MYH14: variants seen among roughly 807,000 people sequenced by gnomAD.
MYH14 encodes the protein myosin-14.
In MYH14, 123 loss-of-function variants were observed where a neutral mutation model predicts 255.5. The ratio of observed to expected loss-of-function variants is 0.48; its 90% CI spans 0.42 to 0.56. The LOEUF (loss-of-function observed/expected upper bound fraction) is 0.56. MYH14 is among the 20% of genes least tolerant of loss of function. The probability of loss-of-function intolerance (pLI) is 0.00; values close to 1 mark genes in which losing one functional copy is unlikely to be tolerated. For synonymous variants in MYH14, 1,095 were observed against 1,161.2 expected (o/e 0.94, Z 1.16); for missense variants, 2,423 against 2,802.3 (o/e 0.86, Z 3.06).
intron 15 of MYH14, among the ~76,000 whole-genome samples, chr19:50,251,575 T>G (rs541235793): frequency 0.019 from 2,767 of 149,252 alleles, 37 homozygotes; most frequent in Middle Eastern, 0.031. Flanking sequence ...CACACATATA[T>G]ATATGTATTT....
rs12973514 is a variant in MYH14 at position 50,280,850 on chromosome 19, T to G, written c.4290+467T>G. ...CTGGTCCTTCCTCTGCCTTTAGCTG[T>G]ATTCATCTCTATCTCTACTTTCCTA... is the stretch of plus-strand genomic sequence containing the variant. On this transcript the variant is annotated intron_variant, in intron 32 of 42. Transcript: ENST00000642316. This position sits in a 1 kb window ranked among gnomAD's most constrained non-coding sequence, Gnocchi z 4.8. 6.6e-6 allele frequency among the ~76,000 whole-genome samples: 1 copy of G among 152,222 alleles called. No homozygotes were observed. The highest frequency in any genetic ancestry group is 1.9e-4 in the East Asian group (1 of 5,198).
Position 50,272,720 on chromosome 19 carries a change from T to C in MYH14, c.3456T>C (p.Ala1152=). The part of the protein sequence containing the change: ...QLGRKEEELQ[A]ALARAEDEGG... Reference sequence around the variant, plus strand: ...GCCGGAAGGAGGAGGAGCTGCAGGCTGCCCTGGCCAGGTGCAGGGTGGGGT... The same window carrying C: ...GCCGGAAGGAGGAGGAGCTGCAGGCCGCCCTGGCCAGGTGCAGGGTGGGGT... The change falls in exon 27 of 43, where the codon GCT becomes GCC. Residue 1152 remains alanine, a synonymous_variant. Coordinates refer to ENST00000642316, the MANE Select transcript of MYH14 (RefSeq NM_001145809.2). 1 of 1,550,566 alleles carries C rather than the reference T, an allele frequency of 6.4e-7. No individual in the cohort carries two copies. Among genetic ancestry groups the C allele is most frequent in the Non-Finnish European group, 8.7e-7 (1 of 1,147,492 alleles).
intron 23 of MYH14, among the ~76,000 whole-genome samples, chr19:50,267,622 A>AT (rs1241719806): frequency 2.3e-4 from 29 of 127,964 alleles, no homozygotes; most frequent in African/African-American, 7.9e-4. Flanking sequence ...CTCTGTCTCA[A>AT]AAATAATAAT....
chr19:50,284,008 G>T (rs967282745), intron 33 of MYH14, among the ~76,000 whole-genome samples: 4 of 151,468 alleles, frequency 2.6e-5, no homozygotes, highest in Non-Finnish European at 5.9e-5. Flanking sequence ...GGAGGCGGAG[G>T]TTGTGGTGAG....
At position 50,276,763 on chromosome 19, in the gene MYH14, G is replaced by C; in HGVS notation, c.3687G>C (p.Lys1229Asn). ...CTCCTTTCCCCCAATAAAGGTCCAA[G>C]AGGGAACAGGAGGTGACGGAGCTGA... Reference protein sequence around the residue: ...STNAQQELRSKREQEVTELKK... With the variant: ...STNAQQELRSNREQEVTELKK... Residue 1229 changes from lysine to asparagine, a missense_variant, in exon 29 of 43, where the codon AAG becomes AAC. Lys to Asn is a moderately conservative substitution (Grantham distance 94). Coordinates refer to ENST00000642316, the MANE Select transcript of MYH14 (RefSeq NM_001145809.2). The surrounding 1 kb of genome is among the most constrained non-coding windows in gnomAD (Gnocchi z 4.3). 6.2e-7 allele frequency: 1 copy of C among 1,613,474 alleles called. No individual in the cohort carries two copies. The highest frequency in any genetic ancestry group is 1.8e-4 in the Middle Eastern group (1 of 5,638).
chr19:50,297,642 G>A (rs192706141), intron 39 of MYH14, among the ~76,000 whole-genome samples: 2 of 150,328 alleles, frequency 1.3e-5, no homozygotes, highest in Admixed American at 6.6e-5. Context: ...GATTACAGGC[G>A]CCCACCACCA....
Position 50,244,213 on chromosome 19 carries a change from A to G in MYH14, c.1115-29A>G, listed in dbSNP as rs1415176026. The G allele has an allele frequency of 2.5e-6, 4 of 1,605,598 alleles. No homozygotes were observed. The South Asian group carries it at 4.4e-5, about 18-fold the overall frequency. On this transcript the variant is annotated intron_variant, in intron 10 of 42. Transcript: ENST00000642316. ...AGACCACACATCGGGGTCCAGAGCC[A>G]CACGTGACCTCTGTCCTTGCGTCCC...
At chr19:50,290,300 C>G (rs891153213) in intron 35 of MYH14, among the ~76,000 whole-genome samples, 2 of 152,192 alleles carry the variant, frequency 1.3e-5, no homozygotes, top group Non-Finnish European at 2.9e-5. Flanking sequence ...ATCGCTCCCT[C>G]GCTTCCTTGT....
intron 39 of MYH14, among the ~76,000 whole-genome samples, chr19:50,301,084 T>C (rs973591229): frequency 3.3e-5 from 5 of 152,074 alleles, no homozygotes; most frequent in African/African-American, 7.2e-5. Flanking sequence ...TCGCTCAGAG[T>C]ACGAGCTGAA....
intron 2 of MYH14, among the ~76,000 whole-genome samples, chr19:50,215,277 C>T (rs1352369896): frequency 6.6e-6 from 1 of 152,172 alleles, no homozygotes; most frequent in African/African-American, 2.4e-5. Flanking sequence ...GCCGGGGCGC[C>T]GGCAGCCATG....
At chr19:50,255,941 T>C (rs2034575896) in intron 17 of MYH14, among the ~76,000 whole-genome samples, 1 of 150,910 alleles carries the variant, frequency 6.6e-6, no homozygotes, top group Non-Finnish European at 1.5e-5. Flanking sequence ...CATCAGATTC[T>C]GCCCTAGCTG....
chr19:50,216,849 C>T (rs1196633806), intron 2 of MYH14, among the ~76,000 whole-genome samples: 2 of 139,508 alleles, frequency 1.4e-5, no homozygotes, highest in Admixed American at 1.5e-4. Context: ...GCTCTGTTGC[C>T]CAGGCTGGAG....
intron 23 of MYH14, 85 bp downstream of exon 23, chr19:50,267,093 C>T: frequency 1.5e-6 from 2 of 1,330,648 alleles, no homozygotes; most frequent in African/African-American, 2.9e-5. Flanking sequence ...AGGGGCGGGG[C>T]TTCCGGCTGA....
chr19:50,260,498 G>A lies in MYH14; in HGVS notation c.2355-148G>A. 3 of 638,268 alleles carry A rather than the reference G, an allele frequency of 4.7e-6. No homozygotes were observed. In the South Asian group the frequency reaches 5.4e-5, roughly 11 times the overall value. 39.5% of individuals were successfully genotyped at this position (638,268 alleles called of 1,614,324 possible). On this transcript the variant is annotated intron_variant, in intron 19 of 42. Transcript: ENST00000642316. Reference sequence around the variant, plus strand: ...TGCTGTCCTTGGTGGTGGCGTGAATGCTCAGATGTGAGTTTTGTGACTGTC... The same window carrying A: ...TGCTGTCCTTGGTGGTGGCGTGAATACTCAGATGTGAGTTTTGTGACTGTC...
intron 18 of MYH14, 144 bp from the exon 19 acceptor site, chr19:50,259,000 G>A (rs2034712777): frequency 8.9e-7 from 1 of 1,118,742 alleles, no homozygotes; most frequent in African/African-American, 1.6e-5. Flanking sequence ...GAGCATTGCT[G>A]TCTTCCCAGG....
At chr19:50,244,103 C>G in intron 10 of MYH14, 139 bp from the exon 11 acceptor site, 2 of 703,376 alleles carry the variant, frequency 2.8e-6, no homozygotes, top group Admixed American at 4.3e-5. Context: ...GCTATCACGC[C>G]CATCCCACAA....
intron 17 of MYH14, 30 bp from the exon 18 acceptor site, chr19:50,257,269 T>C: frequency 8.2e-7 from 1 of 1,220,640 alleles, no homozygotes; most frequent in Non-Finnish European, 1.1e-6. Context: ...CTGACCTCCT[T>C]CTCTCTCTCT....
intron 8 of MYH14, among the ~76,000 whole-genome samples, chr19:50,229,356 A>G (rs1452175319): frequency 6.6e-6 from 1 of 152,126 alleles, no homozygotes; most frequent in Non-Finnish European, 1.5e-5. Context: ...GTTTTACTCT[A>G]AGATGTTTTG....
chr19:50,309,545 C>T, intron 42 of MYH14, 95 bp from the exon 43 acceptor site: 1 of 828,986 alleles, frequency 1.2e-6, no homozygotes, highest in Non-Finnish European at 2.0e-6. Context: ...TCCTATCTCT[C>T]TCTCTCTCCC....
Sources: gnomAD v4.1 joint callset for allele counts (sites outside exome capture counted in the v4.1 genomes callset) on GRCh38, gnomAD v4.1.1 for gene constraint, Gnocchi (gnomAD v3.1) non-coding constraint, MANE v1.5 for transcripts, NCBI Gene and HGNC (gene_info 2026-07-23, HGNC 2026-07-21) for gene names.